FER: variants seen among roughly 807,000 people sequenced by gnomAD.
FER encodes tyrosine-protein kinase Fer.
FER carries 63 observed loss-of-function variants against 111.0 expected under a neutral mutation model. The observed-to-expected ratio is 0.57, with a 90% CI of 0.46 to 0.70. The LOEUF is 0.70. Ranked by LOEUF, FER falls within the 30% of genes least tolerant of loss-of-function variation. The probability of loss-of-function intolerance (pLI) is 0.00; values close to 1 mark genes in which losing one functional copy is unlikely to be tolerated. For synonymous variants in FER, 327 were observed against 313.9 expected, an observed-to-expected ratio of 1.04 and a Z score of -0.44; for missense variants, 914 against 954.0, an observed-to-expected ratio of 0.96 and a Z score of 0.55.
intron 13 of FER, among the ~76,000 whole-genome samples, chr5:109,001,371 A>G (rs1298102005): frequency 6.6e-6 from 1 of 152,232 alleles, no homozygotes; most frequent in Non-Finnish European, 1.5e-5. Flanking sequence ...AAACAGAACC[A>G]AAGACAAAAA....
intron 16 of FER, among the ~76,000 whole-genome samples, chr5:109,095,042 A>G (rs1747324178): frequency 1.3e-5 from 2 of 152,114 alleles, no homozygotes; most frequent in East Asian, 3.9e-4. Flanking sequence ...CTGTTATCAT[A>G]ACTGCTATTG....
chr5:109,045,708 G>A (rs1771870943), intron 15 of FER, among the ~76,000 whole-genome samples: 1 of 152,158 alleles, frequency 6.6e-6, no homozygotes, highest in African/African-American at 2.4e-5. Context: ...AAGGTTGAGG[G>A]GGTAGATTCT....
At chr5:109,183,248 G>GTTTTTTTTTTTT (rs10682212) in intron 18 of FER, among the ~76,000 whole-genome samples, 8 of 115,666 alleles carry the variant, frequency 6.9e-5, no homozygotes, top group African/African-American at 2.3e-4. Flanking sequence ...ATCCTAGCGT[G>GTTTTTTTTTTTT]TTTTTTTTTT....
chr5:108,976,789 T>C (rs1394686619), intron 13 of FER, among the ~76,000 whole-genome samples: 1 of 152,194 alleles, frequency 6.6e-6, no homozygotes, highest in Non-Finnish European at 1.5e-5. Flanking sequence ...ATCATCTGTT[T>C]ACAAGATGAA....
intron 5 of FER, among the ~76,000 whole-genome samples, chr5:108,844,085 C>T (rs5019039): frequency 0.085 from 6,654 of 78,726 alleles, 418 homozygotes; most frequent in African/African-American, 0.13. Flanking sequence ...AACATATATG[C>T]GTGTGAACAT....
chr5:108,996,689 T>A (rs1294188138), intron 13 of FER, among the ~76,000 whole-genome samples: 1 of 152,214 alleles, frequency 6.6e-6, no homozygotes, highest in African/African-American at 2.4e-5. Flanking sequence ...TGAAGTCAGG[T>A]AGCATGATGC....
chr5:109,055,026 T>C (rs1051159939), intron 16 of FER, among the ~76,000 whole-genome samples: 9 of 152,188 alleles, frequency 5.9e-5, no homozygotes, highest in African/African-American at 2.2e-4. Context: ...TCCAAACATA[T>C]ACAGTCAACT....
intron 13 of FER, 127 bp downstream of exon 13, chr5:108,959,474 T>C: frequency 1.2e-6 from 1 of 838,158 alleles, no homozygotes; most frequent in Non-Finnish European, 1.7e-6. Flanking sequence ...TGTTTTTGTT[T>C]TTCTAGCTTT....
At chr5:108,980,215 A>G (rs942117177) in intron 13 of FER, among the ~76,000 whole-genome samples, 2 of 152,110 alleles carry the variant, frequency 1.3e-5, no homozygotes, top group Non-Finnish European at 2.9e-5. Context: ...TTCAGGGAAA[A>G]TCTTACTGTG....
At chr5:109,140,552 A>C (rs1343615100) in intron 17 of FER, among the ~76,000 whole-genome samples, 1 of 152,232 alleles carries the variant, frequency 6.6e-6, no homozygotes, top group East Asian at 1.9e-4. Flanking sequence ...GAAAGCTATT[A>C]ATGACTTTTA....
chr5:109,054,475 GTTTTC>G (rs1397446168), intron 16 of FER, among the ~76,000 whole-genome samples: 1 of 152,060 alleles, frequency 6.6e-6, no homozygotes, highest in African/African-American at 2.4e-5. Flanking sequence ...TGGGTTGGTT[GTTTTC>G]TTGTAATTAA....
intron 13 of FER, among the ~76,000 whole-genome samples, chr5:108,993,969 GTGT>G (rs981245250): frequency 1.3e-5 from 2 of 151,894 alleles, no homozygotes; most frequent in African/African-American, 4.8e-5. Flanking sequence ...CTTTTTAATG[GTGT>G]TGTTTTCTTC....
chr5:108,901,131 G>A (rs1025272304), intron 10 of FER, among the ~76,000 whole-genome samples: 1 of 148,910 alleles, frequency 6.7e-6, no homozygotes, highest in East Asian at 2.0e-4. Flanking sequence ...GGAGGATGCA[G>A]TCTTCAGTGG....
intron 17 of FER, among the ~76,000 whole-genome samples, chr5:109,166,792 G>A (rs7710527): frequency 0.2 from 29,891 of 151,938 alleles, 2,984 homozygotes; most frequent in African/African-American, 0.23. Flanking sequence ...TATGCTGGCT[G>A]TAGATTGAGT....
chr5:108,825,559 A>G (rs1329764667), intron 3 of FER, among the ~76,000 whole-genome samples: 1 of 152,128 alleles, frequency 6.6e-6, no homozygotes, highest in African/African-American at 2.4e-5. Context: ...CATGCTGTGC[A>G]ATTTGTGTAG....
At chr5:109,074,393 C>A (rs1776090129) in intron 16 of FER, among the ~76,000 whole-genome samples, 1 of 152,160 alleles carries the variant, frequency 6.6e-6, no homozygotes, top group South Asian at 2.1e-4. Context: ...TAATATCATG[C>A]AGGATTGCTA....
At chr5:108,988,050 A>G (rs1267485346) in intron 13 of FER, among the ~76,000 whole-genome samples, 1 of 151,952 alleles carries the variant, frequency 6.6e-6, no homozygotes, top group African/African-American at 2.4e-5. Context: ...TCTTGAGATG[A>G]TGTGATTTCT....
At chr5:108,793,324 G>A (rs570626155) in intron 2 of FER, among the ~76,000 whole-genome samples, 59 of 152,190 alleles carry the variant, frequency 3.9e-4, no homozygotes, top group African/African-American at 1.3e-3. Flanking sequence ...TGTTGTTGCA[G>A]ATAACAAGAT....
chr5:109,069,791 ATT>A (rs1369221931), intron 16 of FER, among the ~76,000 whole-genome samples: 3 of 151,950 alleles, frequency 2.0e-5, no homozygotes, highest in Non-Finnish European at 4.4e-5. Flanking sequence ...GAGCCATAGA[ATT>A]TTTTTTCTGT....
Sources: allele counts gnomAD v4.1 joint callset (sites outside exome capture counted in the v4.1 genomes callset), GRCh38; gene constraint gnomAD v4.1.1; transcripts MANE v1.5; gene names NCBI Gene and HGNC (gene_info 2026-07-23, HGNC 2026-07-21).